ATG7: variants seen among roughly 807,000 people sequenced by gnomAD.
ATG7 encodes the protein ubiquitin-like modifier-activating enzyme ATG7.
ATG7 carries 70 observed loss-of-function variants against 82.4 expected under a neutral mutation model. That is an observed-to-expected ratio of 0.85 (90% CI 0.70 to 1.04). ATG7 has a LOEUF of 1.04. Ranked by LOEUF, ATG7 falls within the 50% of genes least tolerant of loss-of-function variation. The probability of loss-of-function intolerance (pLI) is 0.00; values close to 1 mark genes in which losing one functional copy is unlikely to be tolerated. For synonymous variants in ATG7, 287 were observed against 313.0 expected (o/e 0.92, Z 0.88); for missense variants, 792 against 864.3 (o/e 0.92, Z 1.05).
intron 18 of ATG7, among the ~76,000 whole-genome samples, chr3:11,379,109 C>T (rs1365057984): frequency 1.3e-5 from 2 of 152,020 alleles, no homozygotes; most frequent in African/African-American, 4.8e-5. Context: ...AGCCAAGTTG[C>T]CATTCTTCCT....
At chr3:11,295,780 CTTTCTTTCTTT>C (rs1945789079) in intron 3 of ATG7, among the ~76,000 whole-genome samples, 4 of 86,004 alleles carry the variant, frequency 4.7e-5, no homozygotes, top group Admixed American at 2.9e-4. Context: ...TCTTTTCTTT[CTTTCTTTCTTT>C]TTTTTTTTTT....
intron 20 of ATG7, among the ~76,000 whole-genome samples, chr3:11,427,148 C>A (rs1302619704): frequency 6.6e-6 from 1 of 152,128 alleles, no homozygotes; most frequent in African/African-American, 2.4e-5. Context: ...TACACAAAAT[C>A]AGTGTGATAA....
chr3:11,299,308 T>C (rs957783577), intron 4 of ATG7, 54 bp from the exon 5 acceptor site: 1 of 1,535,952 alleles, frequency 6.5e-7, no homozygotes, highest in Non-Finnish European at 9.0e-7. Context: ...ATTTTTGTTA[T>C]GAACGCTGCT....
chr3:11,400,675 G>A (rs1272140400), intron 19 of ATG7, among the ~76,000 whole-genome samples: 1 of 152,060 alleles, frequency 6.6e-6, no homozygotes, highest in Non-Finnish European at 1.5e-5. Flanking sequence ...GTTAGTTTAT[G>A]AGAATAACCT....
chr3:11,466,313 A>G (rs2086820955), intron 20 of ATG7, among the ~76,000 whole-genome samples: 1 of 152,246 alleles, frequency 6.6e-6, no homozygotes, highest in African/African-American at 2.4e-5. Flanking sequence ...TTTGGACCCC[A>G]TACGGGTAAG....
intron 20 of ATG7, among the ~76,000 whole-genome samples, chr3:11,443,304 GCTCA>G (rs1302102971): frequency 6.6e-6 from 1 of 152,138 alleles, no homozygotes; most frequent in Non-Finnish European, 1.5e-5. Context: ...ATGAGTTCTG[GCTCA>G]CTCCTTACTA....
At chr3:11,339,278 A>T (rs1159108795) in intron 11 of ATG7, among the ~76,000 whole-genome samples, 1 of 142,900 alleles carries the variant, frequency 7.0e-6, no homozygotes, top group Non-Finnish European at 1.5e-5. Flanking sequence ...CCTGGGCGAC[A>T]GAGCGAGACT....
At chr3:11,441,494 G>A (rs950896632) in intron 20 of ATG7, among the ~76,000 whole-genome samples, 1 of 151,676 alleles carries the variant, frequency 6.6e-6, no homozygotes, top group Non-Finnish European at 1.5e-5. Context: ...CACCCACCTC[G>A]GCCTCCGAAA....
chr3:11,548,953 T>C (rs1161689655), intron 20 of ATG7, among the ~76,000 whole-genome samples: 1 of 152,190 alleles, frequency 6.6e-6, no homozygotes, highest in Non-Finnish European at 1.5e-5. Context: ...TCTGCAGGGG[T>C]TGGACTGCTC....
At chr3:11,532,873 T>C (rs1559807898) in intron 20 of ATG7, among the ~76,000 whole-genome samples, 1 of 152,174 alleles carries the variant, frequency 6.6e-6, no homozygotes, top group African/African-American at 2.4e-5. Flanking sequence ...ATGAATTATT[T>C]TGTTGAGAGT....
At chr3:11,306,170 G>C (rs531548390) in intron 5 of ATG7, among the ~76,000 whole-genome samples, 17 of 152,318 alleles carry the variant, frequency 1.1e-4, no homozygotes, top group Non-Finnish European at 2.4e-4. Flanking sequence ...TGGCACGACA[G>C]ATTGACAGGT....
intron 20 of ATG7, among the ~76,000 whole-genome samples, chr3:11,440,567 G>A (rs1450633544): frequency 5.4e-5 from 8 of 148,474 alleles, no homozygotes; most frequent in African/African-American, 1.5e-4. Flanking sequence ...CTCGTGATCC[G>A]CCCGCCTCGG....
rs2072514065 is a variant in ATG7, at chr3:11,557,185, G to A, written c.*2342G>A. The A allele has an allele frequency of 6.5e-6, 1 of 152,780 alleles. No homozygotes were observed. Among genetic ancestry groups the A allele is most frequent in the South Asian group, 2.1e-4 (1 of 4,834 alleles). 9.5% of individuals were successfully genotyped at this position (152,780 alleles called of 1,614,324 possible). ...AGGAGCAGCTGTGACCTCCACAGCT[G>A]TGTCTGTCATGCTTGCTTCATCTAA... On this transcript the variant is annotated 3_prime_UTR_variant, in exon 21 of 21. Coordinates refer to ENST00000693202, the MANE Select transcript of ATG7 (RefSeq NM_001349232.2).
At chr3:11,543,413 C>T (rs956962772) in intron 20 of ATG7, among the ~76,000 whole-genome samples, 2 of 152,228 alleles carry the variant, frequency 1.3e-5, no homozygotes, top group Admixed American at 1.3e-4. Context: ...CATCTTCCCC[C>T]CTGCCTCAGC....
chr3:11,352,159 T>C (rs891409841), intron 14 of ATG7, among the ~76,000 whole-genome samples: 2 of 152,202 alleles, frequency 1.3e-5, no homozygotes, highest in Admixed American at 1.3e-4. Flanking sequence ...GCTTCATCCA[T>C]GTCCCTACAA....
intron 9 of ATG7, among the ~76,000 whole-genome samples, chr3:11,327,425 G>A (rs1290656536): frequency 5.9e-5 from 9 of 152,164 alleles, no homozygotes; most frequent in East Asian, 1.9e-4. Flanking sequence ...AATCACATGC[G>A]GTATTCACTG....
chr3:11,437,051 T>C (rs1160589781), intron 20 of ATG7, among the ~76,000 whole-genome samples: 1 of 152,182 alleles, frequency 6.6e-6, no homozygotes, highest in Non-Finnish European at 1.5e-5. Flanking sequence ...GGATGAATCA[T>C]ATGGTGTGTG....
intron 18 of ATG7, among the ~76,000 whole-genome samples, chr3:11,376,199 G>A (rs968876769): frequency 1.7e-4 from 26 of 152,070 alleles, no homozygotes; most frequent in African/African-American, 6.3e-4. Flanking sequence ...GGGAGAATGA[G>A]GACTAATTGC....
intron 19 of ATG7, among the ~76,000 whole-genome samples, chr3:11,385,844 G>T (rs1164649781): frequency 2.0e-5 from 3 of 152,236 alleles, no homozygotes; most frequent in African/African-American, 4.8e-5. Context: ...TAGAGCAGTT[G>T]TGGCTGAGCC....
Sources: allele counts gnomAD v4.1 joint callset (sites outside exome capture counted in the v4.1 genomes callset), GRCh38; gene constraint gnomAD v4.1.1; transcripts MANE v1.5; gene names NCBI Gene and HGNC (gene_info 2026-07-23, HGNC 2026-07-21).